Variants in GSK3B observed in about 807,000 individuals in gnomAD.
The protein encoded by GSK3B is glycogen synthase kinase 3 beta.
GSK3B carries 15 observed loss-of-function variants against 56.4 expected under a neutral mutation model. The ratio of observed to expected loss-of-function variants is 0.27; its 90% CI spans 0.18 to 0.41. The LOEUF (loss-of-function observed/expected upper bound fraction) is 0.41, where lower values mean the gene tolerates loss of function less well. GSK3B is among the 10% of genes least tolerant of loss of function. GSK3B has a pLI of 1.00. For missense variants in GSK3B, 300 were observed against 513.4 expected (o/e 0.58, Z 4.02); for synonymous variants, 181 against 188.9 (o/e 0.96, Z 0.34).
At chr3:120,029,828 G>A in intron 1 of GSK3B, 3 of 552,234 alleles carry the variant, frequency 5.4e-6, no homozygotes, top group South Asian at 4.1e-5. Flanking sequence ...GGCACGAAAT[G>A]AGGACTAATG....
At chr3:119,949,401 G>C (rs2057132123) in intron 2 of GSK3B, among the ~76,000 whole-genome samples, 1 of 152,170 alleles carries the variant, frequency 6.6e-6, no homozygotes, top group East Asian at 1.9e-4. Context: ...AGAACCATGT[G>C]AAGATCTGAG....
At chr3:119,918,271 G>C (rs1468768767) in intron 4 of GSK3B, among the ~76,000 whole-genome samples, 1 of 151,850 alleles carries the variant, frequency 6.6e-6, no homozygotes, top group Non-Finnish European at 1.5e-5. Flanking sequence ...AGGAGTTCGA[G>C]ACCACCCTGG....
chr3:120,093,897 A>AGGAG lies in GSK3B; in HGVS notation c.-467_-464dup, dbSNP rs1341959824. On this transcript the variant is annotated 5_prime_UTR_variant, in exon 1 of 11. Coordinates refer to ENST00000264235, the MANE Select transcript of GSK3B (RefSeq NM_001146156.2). ...CGCTTGAAGAGAAAGGGGGATGGGT[A>AGGAG]GGAGGGAGGGAGAGGGAGGGAGGGG... 3 of 139,380 alleles carry AGGAG rather than the reference A, an allele frequency of 2.2e-5. No individual in the cohort carries two copies. The highest frequency in any genetic ancestry group is 1.9e-4 in the East Asian group (1 of 5,388). 8.6% of individuals were successfully genotyped at this position (139,380 alleles called of 1,614,324 possible).
At chr3:119,936,570 A>G (rs936352931) in intron 3 of GSK3B, among the ~76,000 whole-genome samples, 2 of 151,110 alleles carry the variant, frequency 1.3e-5, no homozygotes, top group African/African-American at 4.9e-5. Flanking sequence ...CTGGTCTCGA[A>G]CTCCTGACCT....
intron 10 of GSK3B, among the ~76,000 whole-genome samples, chr3:119,832,342 TA>T (rs1266600612): frequency 2.0e-5 from 3 of 152,254 alleles, no homozygotes; most frequent in Non-Finnish European, 2.9e-5. Context: ...CATCCCTGGC[TA>T]ATGTTTTGAC....
intron 1 of GSK3B, among the ~76,000 whole-genome samples, chr3:120,035,020 G>A (rs1306551524): frequency 1.3e-5 from 2 of 152,106 alleles, no homozygotes; most frequent in Non-Finnish European, 1.5e-5. Context: ...TTGAACCCAG[G>A]AGGCGGAGGT....
chr3:119,910,572 T>C (rs2056725863), intron 6 of GSK3B, among the ~76,000 whole-genome samples: 1 of 152,184 alleles, frequency 6.6e-6, no homozygotes, highest in South Asian at 2.1e-4. Flanking sequence ...TGCTGACTGA[T>C]CAGGGTGGCA....
intron 1 of GSK3B, among the ~76,000 whole-genome samples, chr3:120,084,408 G>A (rs2058446590): frequency 6.6e-6 from 1 of 152,114 alleles, no homozygotes; most frequent in Admixed American, 6.5e-5. Context: ...AGCTGTCATA[G>A]CCAATGTTGC....
At chr3:119,891,136 T>A (rs2056496934) in intron 7 of GSK3B, among the ~76,000 whole-genome samples, 1 of 151,872 alleles carries the variant, frequency 6.6e-6, no homozygotes, top group African/African-American at 2.4e-5. Flanking sequence ...AGGAAGGGAT[T>A]CAGGAAAGGT....
intron 1 of GSK3B, among the ~76,000 whole-genome samples, chr3:120,007,666 C>T (rs1406367163): frequency 6.6e-6 from 1 of 152,252 alleles, no homozygotes; most frequent in East Asian, 1.9e-4. Flanking sequence ...ATGACAAAAA[C>T]CACATGATTA....
intron 2 of GSK3B, among the ~76,000 whole-genome samples, chr3:119,986,830 T>C (rs1283399173): frequency 6.6e-6 from 1 of 152,216 alleles, no homozygotes; most frequent in Non-Finnish European, 1.5e-5. Flanking sequence ...ATCCCATTAC[T>C]GGGTATATAC....
At chr3:120,042,465 C>T (rs1371383794) in intron 1 of GSK3B, among the ~76,000 whole-genome samples, 1 of 152,064 alleles carries the variant, frequency 6.6e-6, no homozygotes, top group Non-Finnish European at 1.5e-5. Context: ...AACTGATAAA[C>T]AAACTATAAA....
chr3:120,029,337 G>A, intron 1 of GSK3B: 1 of 743,582 alleles, frequency 1.3e-6, no homozygotes, highest in Non-Finnish European at 2.5e-6. Flanking sequence ...ATCTAATCCA[G>A]CCTCAAAAGC....
intron 1 of GSK3B, among the ~76,000 whole-genome samples, chr3:120,040,399 G>A (rs891499021): frequency 6.6e-6 from 1 of 152,172 alleles, no homozygotes; most frequent in South Asian, 2.1e-4. Context: ...CAGAGCAGAT[G>A]CAGCGAAAAA....
chr3:119,893,829 TGACAAA>T (rs1191707593), intron 7 of GSK3B, among the ~76,000 whole-genome samples: 2 of 150,812 alleles, frequency 1.3e-5, no homozygotes, highest in Non-Finnish European at 2.9e-5. Context: ...GCAGTGGAAA[TGACAAA>T]GACATTCTTT....
chr3:119,869,967 T>C (rs769673619), intron 8 of GSK3B, among the ~76,000 whole-genome samples: 3 of 152,232 alleles, frequency 2.0e-5, no homozygotes, highest in Non-Finnish European at 4.4e-5. Context: ...TAATCTTTCA[T>C]TGTTCACAAA....
At chr3:119,829,258 T>TA (rs550177721) in intron 10 of GSK3B, among the ~76,000 whole-genome samples, 48 of 149,698 alleles carry the variant, frequency 3.2e-4, no homozygotes, top group South Asian at 6.3e-4. Flanking sequence ...CAGGCTGCAT[T>TA]AAAAAAAAAA....
intron 2 of GSK3B, among the ~76,000 whole-genome samples, chr3:119,956,343 A>C (rs2057214783): frequency 1.3e-5 from 2 of 152,246 alleles, no homozygotes; most frequent in Non-Finnish European, 2.9e-5. Flanking sequence ...TGGGTGGTTC[A>C]GAAGCCATAG....
intron 2 of GSK3B, among the ~76,000 whole-genome samples, chr3:119,953,897 T>C (rs991324183): frequency 3.3e-5 from 5 of 152,246 alleles, no homozygotes; most frequent in Middle Eastern, 3.4e-3. Flanking sequence ...AAATTTACTA[T>C]ATGTTCTCTT....
Sources: gnomAD v4.1 joint callset for allele counts (sites outside exome capture counted in the v4.1 genomes callset) on GRCh38, gnomAD v4.1.1 for gene constraint, MANE v1.5 for transcripts, NCBI Gene and HGNC (gene_info 2026-07-23, HGNC 2026-07-21) for gene names.